The following ARHGEF19 variants were observed in gnomAD, a reference collection of about 807,000 sequenced individuals.
The protein encoded by ARHGEF19 is Rho guanine nucleotide exchange factor (GEF) 19.
In ARHGEF19, 92 loss-of-function variants were observed where a neutral mutation model predicts 87.6. That is an observed-to-expected ratio of 1.05 (90% CI 0.89 to 1.25). ARHGEF19 has a LOEUF of 1.25. ARHGEF19 is among the 50% of genes most tolerant of loss of function. The pLI is 0.00. For missense variants in ARHGEF19, 1,054 were observed against 1,051.8 expected, an observed-to-expected ratio of 1.00 and a Z score of -0.03; for synonymous variants, 438 against 446.2, an observed-to-expected ratio of 0.98 and a Z score of 0.23.
In ARHGEF19 at chr1:16,209,011, C is replaced by T. The variant is rs1414836068; in HGVS notation, c.44G>A (p.Gly15Glu). The T allele has an allele frequency of 1.3e-6, 2 of 1,505,118 alleles. No homozygotes were observed. Among genetic ancestry groups the T allele is most frequent in the Non-Finnish European group, 1.8e-6 (2 of 1,127,904 alleles). 93.2% of individuals were successfully genotyped at this position (1,505,118 alleles called of 1,614,324 possible). Residue 15 changes from glycine (G) to glutamate (E), a missense_variant, in exon 2 of 16, where the codon GGG (glycine) becomes GAG (glutamate). By Grantham distance (98) the Gly-to-Glu change is moderately conservative (BLOSUM62 -2). Transcript: ENST00000270747. Reference sequence around the variant, plus strand: ...AGGGTGGTGGGCAGTGCCAGGTGGCCCAGTCAGGTGGGGCTGGAGGGTAGC... The same window carrying T: ...AGGGTGGTGGGCAGTGCCAGGTGGCTCAGTCAGGTGGGGCTGGAGGGTAGC... ...PPATLQPHLT[G>E]PPGTAHHPVA...
At chr1:16,201,323 A>C (rs943787779) in intron 14 of ARHGEF19, among the ~76,000 whole-genome samples, 3 of 152,158 alleles carry the variant, frequency 2.0e-5, no homozygotes, top group Non-Finnish European at 4.4e-5. Context: ...CTTCACACCC[A>C]AAGGAAAAAC....
intron 2 of ARHGEF19, 62 bp from the exon 3 acceptor site, chr1:16,208,287 G>A: frequency 1.3e-6 from 2 of 1,544,824 alleles, no homozygotes; most frequent in Non-Finnish European, 1.7e-6. Context: ...CCTCCCTGCT[G>A]CTGCCCCTGG....
In ARHGEF19 at chr1:16,198,898, T is replaced by C. The variant is rs996288823; in HGVS notation, c.2252-154A>G. The stretch of plus-strand genomic sequence containing the variant: ...TCTCAGCTCCAGGAAGGACCCTGTC[T>C]TGAGCTGTCTTGCAGATGAACTTCT... On this transcript the variant is annotated intron_variant, in intron 15 of 15. Transcript: ENST00000270747. The surrounding 1 kb of genome is among the most constrained non-coding windows in gnomAD (Gnocchi z 4.1). 6.6e-6 allele frequency among the ~76,000 whole-genome samples: 1 copy of C among 152,176 alleles called. No homozygotes were observed. Among genetic ancestry groups the C allele is most frequent in the Admixed American group, 6.5e-5 (1 of 15,282 alleles).
In ARHGEF19 at chr1:16,208,825, AG is replaced by A; in HGVS notation, c.229del (p.Leu77TyrfsTer84). ...LGTPAPLQGL[L>X]WPLSPGGSDT... ...TGAGCCTCCTGGGGATAATGGCCAT[AG>A]CAACCCTTGGAGAGGGGCAGGGGTC... is the stretch of plus-strand genomic sequence containing the variant. On this transcript the variant is annotated frameshift_variant, in exon 2 of 16. Coordinates refer to ENST00000270747, the MANE Select transcript of ARHGEF19 (RefSeq NM_153213.5). LOFTEE classifies it high-confidence loss of function. 1.2e-6 allele frequency: 2 copies of A among 1,612,894 alleles called. No homozygotes were observed. The highest frequency in any genetic ancestry group is 1.7e-4 in the Middle Eastern group (1 of 6,050).
chr1:16,206,575 C>T lies in ARHGEF19; in HGVS notation c.1138-235G>A. 1 of 475,310 alleles carries T rather than the reference C, an allele frequency of 2.1e-6. No homozygotes were observed. Among genetic ancestry groups the T allele is most frequent in the Non-Finnish European group, 3.7e-6 (1 of 268,618 alleles). The allele number at this position is 475,310 out of a possible 1,614,324, so 29.4% of individuals were successfully genotyped here. A position where few individuals can be genotyped will look rare whatever the true frequency, so the allele number is the denominator to read the frequency against. On this transcript the variant is annotated intron_variant, in intron 6 of 15. Transcript: ENST00000270747. This position sits in a 1 kb window ranked among gnomAD's most constrained non-coding sequence, Gnocchi z 4.6. ...CTAAGCCCCGCCCCGACGCGTTCTT[C>T]CCAGAGCCCCGCCCACCCCCCAGGT...
rs57306373 is a variant in ARHGEF19, at chr1:16,203,847, T to C, written c.1907+912A>G. ...GGAAATACCGCAGTACACCCTTATATCAAAACCCTGATGATATGGTTGTCA... is the reference window on the plus strand; with the variant it reads ...GGAAATACCGCAGTACACCCTTATACCAAAACCCTGATGATATGGTTGTCA... On this transcript the variant is annotated intron_variant, in intron 12 of 15. Transcript: ENST00000270747. Among the ~76,000 whole-genome samples the C allele has an allele frequency of 9.1e-3, 1,381 of 152,288 alleles. 27 individuals carry two copies. Among genetic ancestry groups the C allele is most frequent in the African/African-American group, 0.031 (1,284 of 41,558 alleles).
rs1214341830 is a variant in ARHGEF19 at position 16,206,034 on chromosome 1, T to C, written c.1348A>G (p.Ser450Gly). ...QRLEADVLRF[S>G]VCDVVLDHCP... ...TGGTCCAGCACCACGTCGCACACGC[T>C]GAAGCGCAGCACATCTGCCTCCAGC... Residue 450 changes from serine (S) to glycine (G), a missense_variant, in exon 8 of 16, where the codon AGC (serine) becomes GGC (glycine). Coordinates refer to ENST00000270747, the MANE Select transcript of ARHGEF19 (RefSeq NM_153213.5). The surrounding 1 kb of genome is among the most constrained non-coding windows in gnomAD (Gnocchi z 4.6). 1.3e-6 allele frequency: 2 copies of C among 1,594,706 alleles called. No individual in the cohort carries two copies. The highest frequency in any genetic ancestry group is 4.5e-5 in the East Asian group (2 of 44,196).
chr1:16,207,986 G>C lies in ARHGEF19; in HGVS notation c.652C>G (p.Arg218Gly), dbSNP rs557208352. 2 of 1,611,562 alleles carry C rather than the reference G, an allele frequency of 1.2e-6. No individual in the cohort carries two copies. Among genetic ancestry groups the C allele is most frequent in the Non-Finnish European group, 1.7e-6 (2 of 1,179,608 alleles). ...GTGCCTGACCCAGAGATGAGTGCCC[G>C]GGCTGCTGAATTCCGCCCCAGGCGC... is the stretch of plus-strand genomic sequence containing the variant. ...SLRLGRNSAARALISGSGTGA... is the reference protein window; with the variant it reads ...SLRLGRNSAAGALISGSGTGA... Residue 218 changes from arginine (R) to glycine (G), a missense_variant, in exon 3 of 16, where the codon CGG (arginine) becomes GGG (glycine). Coordinates refer to ENST00000270747, the MANE Select transcript of ARHGEF19 (RefSeq NM_153213.5). The surrounding 1 kb of genome is among the most constrained non-coding windows in gnomAD (Gnocchi z 4.0).
Position 16,207,324 on chromosome 1 carries a change from T to A in ARHGEF19, c.875-114A>T. ...TAACCTTTGCCGCGGTTCGGATATCTGGACACAGTGAATTCATTCATTCAT... is the reference window on the plus strand; with the variant it reads ...TAACCTTTGCCGCGGTTCGGATATCAGGACACAGTGAATTCATTCATTCAT... On this transcript the variant is annotated intron_variant, in intron 5 of 15. Transcript: ENST00000270747. The surrounding 1 kb of genome is among the most constrained non-coding windows in gnomAD (Gnocchi z 4.0). The A allele has an allele frequency of 7.2e-7, 1 of 1,394,036 alleles. No individual in the cohort carries two copies. The highest frequency in any genetic ancestry group is 1.5e-5 in the South Asian group (1 of 67,884). 86.4% of individuals were successfully genotyped at this position (1,394,036 alleles called of 1,614,324 possible). A position where few individuals can be genotyped will look rare whatever the true frequency, so the allele number is the denominator to read the frequency against.
intron 1 of ARHGEF19, among the ~76,000 whole-genome samples, chr1:16,210,321 T>C (rs1421085202): frequency 6.6e-6 from 1 of 152,012 alleles, no homozygotes; most frequent in East Asian, 1.9e-4. Flanking sequence ...GGGCCTACCC[T>C]AGCCTGGCCT....
chr1:16,207,450 C>G lies in ARHGEF19; in HGVS notation c.874+72G>C. The G allele has an allele frequency of 6.3e-7, 1 of 1,578,206 alleles. No individual in the cohort carries two copies. Among genetic ancestry groups the G allele is most frequent in the Non-Finnish European group, 8.7e-7 (1 of 1,153,256 alleles). On this transcript the variant is annotated intron_variant, in intron 5 of 15. Transcript: ENST00000270747. The surrounding 1 kb of genome is among the most constrained non-coding windows in gnomAD (Gnocchi z 4.0). ...ATCCCTACCTCTCAACTCTCCAAAC[C>G]CTCTTTTCCCCGTTTCCACACCGCA... is the stretch of plus-strand genomic sequence containing the variant.
rs1569714097 is a variant in ARHGEF19 at position 16,207,267 on chromosome 1, T to A, written c.875-57A>T. Reference sequence around the variant, plus strand: ...GGCGCCCGCCAGCCCCTGCCCGGCTTTTCCTCGGTTCCCTCAAGAGCCCGC... The same window carrying A: ...GGCGCCCGCCAGCCCCTGCCCGGCTATTCCTCGGTTCCCTCAAGAGCCCGC... On this transcript the variant is annotated intron_variant, in intron 5 of 15. Transcript: ENST00000270747. The surrounding 1 kb of genome is among the most constrained non-coding windows in gnomAD (Gnocchi z 4.0). The A allele has an allele frequency of 2.1e-6, 3 of 1,461,056 alleles. No individual in the cohort carries two copies. The highest frequency in any genetic ancestry group is 1.4e-5 in the African/African-American group (1 of 69,826). 90.5% of individuals were successfully genotyped at this position (1,461,056 alleles called of 1,614,324 possible).
In ARHGEF19 at chr1:16,206,040, G is replaced by T; in HGVS notation, c.1342C>A (p.Arg448Ser). The T allele has an allele frequency of 1.3e-6, 2 of 1,592,024 alleles. No individual in the cohort carries two copies. The highest frequency in any genetic ancestry group is 2.3e-5 in the South Asian group (2 of 88,218). ...AGCACCACGTCGCACACGCTGAAGCGCAGCACATCTGCCTCCAGCCGCTGC... is the reference window on the plus strand; with the variant it reads ...AGCACCACGTCGCACACGCTGAAGCTCAGCACATCTGCCTCCAGCCGCTGC... Reference protein sequence around the residue: ...LEQRLEADVLRFSVCDVVLDH... With the variant: ...LEQRLEADVLSFSVCDVVLDH... Residue 448 changes from arginine (R) to serine (S), a missense_variant, in exon 8 of 16, where the codon CGC (arginine) becomes AGC (serine). By Grantham distance (110) the Arg-to-Ser change is moderately radical (BLOSUM62 -1). Coordinates refer to ENST00000270747, the MANE Select transcript of ARHGEF19 (RefSeq NM_153213.5). This position sits in a 1 kb window ranked among gnomAD's most constrained non-coding sequence, Gnocchi z 4.6.
chr1:16,206,491 C>G lies in ARHGEF19; in HGVS notation c.1138-151G>C. The G allele has an allele frequency of 1.2e-6, 1 of 800,064 alleles. No individual in the cohort carries two copies. The highest frequency in any genetic ancestry group is 2.0e-6 in the Non-Finnish European group (1 of 497,488). 49.6% of individuals were successfully genotyped at this position (800,064 alleles called of 1,614,324 possible). ...ATCTGGCGCCGGGCGGGCCCGGCGA[C>G]CCACGTCCCGCCGCGGGAAATTGTG... On this transcript the variant is annotated intron_variant, in intron 6 of 15. Transcript: ENST00000270747. The surrounding 1 kb of genome is among the most constrained non-coding windows in gnomAD (Gnocchi z 4.6).
At position 16,202,521 on chromosome 1, in the gene ARHGEF19, C is replaced by T. The variant is rs200330080; in HGVS notation, c.1961G>A (p.Arg654Gln). 544 of 1,614,196 alleles carry T rather than the reference C, an allele frequency of 3.4e-4. 2 individuals are homozygous for T. The East Asian group carries it at 0.01, about 31-fold the overall frequency. Reference protein sequence around the residue: ...VHAKMAELQVRDLSLKLQGIP... With the variant: ...VHAKMAELQVQDLSLKLQGIP... ...GCCCTGCAGCTTCAGGCTCAGGTCC[C>T]GCACCTGCAGCTCAGCCATCTTGGC... is the stretch of plus-strand genomic sequence containing the variant. Residue 654 changes from arginine to glutamine, a missense_variant, in exon 13 of 16, where the codon CGG (arginine) becomes CAG (glutamine). Physicochemically the swap from Arg to Gln is conservative, Grantham distance 43. Transcript: ENST00000270747.
At position 16,207,483 on chromosome 1, in the gene ARHGEF19, C is replaced by T. The variant is rs1441469855; in HGVS notation, c.874+39G>A. The T allele has an allele frequency of 6.2e-7, 1 of 1,609,748 alleles. No homozygotes were observed. Among genetic ancestry groups the T allele is most frequent in the Admixed American group, 1.7e-5 (1 of 59,894 alleles). On this transcript the variant is annotated intron_variant, in intron 5 of 15. Transcript: ENST00000270747. The surrounding 1 kb of genome is among the most constrained non-coding windows in gnomAD (Gnocchi z 4.0). ...CCCCGTTTCCACACCGCAGCCCCTT[C>T]CTCCGTTACCTCCTCCCAGGGACCC...
Position 16,205,064 on chromosome 1 carries a change from T to A in ARHGEF19, c.1746+23A>T. 1 of 1,584,692 alleles carries A rather than the reference T, an allele frequency of 6.3e-7. No individual in the cohort carries two copies. The highest frequency in any genetic ancestry group is 2.3e-5 in the East Asian group (1 of 43,480). ...CAAGAGCTGCCCCTTGGGGTCCCCA[T>A]CCCGCTGGCTGCAGACACACACCTT... On this transcript the variant is annotated intron_variant, in intron 11 of 15. Transcript: ENST00000270747. This position sits in a 1 kb window ranked among gnomAD's most constrained non-coding sequence, Gnocchi z 5.8.
chr1:16,207,223 C>G lies in ARHGEF19; in HGVS notation c.875-13G>C. The stretch of plus-strand genomic sequence containing the variant: ...TGATAGAGGACGGCTGGGGGAAAGA[C>G]GGGCGGGGGAGAGCGTGGGGCGCCC... On this transcript the variant is annotated splice_polypyrimidine_tract_variant and intron_variant, in intron 5 of 15. Coordinates refer to ENST00000270747, the MANE Select transcript of ARHGEF19 (RefSeq NM_153213.5). This position sits in a 1 kb window ranked among gnomAD's most constrained non-coding sequence, Gnocchi z 4.0. 6.7e-7 allele frequency: 1 copy of G among 1,497,148 alleles called. No homozygotes were observed. 92.7% of individuals were successfully genotyped at this position (1,497,148 alleles called of 1,614,324 possible).
At position 16,202,388 on chromosome 1, in the gene ARHGEF19, C is replaced by T. The variant is rs758993885; in HGVS notation, c.2066+28G>A. On this transcript the variant is annotated intron_variant, in intron 13 of 15. Coordinates refer to ENST00000270747, the MANE Select transcript of ARHGEF19 (RefSeq NM_153213.5). ...TGCCTGTCATGGGGAGGGGGAGCCT[C>T]CTCTCTCCCATATCCAGGCCCACTC... 4 of 1,580,548 alleles carry T rather than the reference C, an allele frequency of 2.5e-6. No homozygotes were observed. In the South Asian group the frequency reaches 4.6e-5, roughly 18 times the overall value.
Sources: gnomAD v4.1 joint callset for allele counts (sites outside exome capture counted in the v4.1 genomes callset) on GRCh38, gnomAD v4.1.1 for gene constraint, Gnocchi (gnomAD v3.1) non-coding constraint, MANE v1.5 for transcripts, NCBI Gene and HGNC (gene_info 2026-07-23, HGNC 2026-07-21) for gene names.